The following ENTPD3 variants were observed in gnomAD, a reference collection of about 807,000 sequenced individuals.
ENTPD3 encodes the protein CD39 antigen-like 3.
In ENTPD3, 60 loss-of-function variants were observed where a neutral mutation model predicts 51.2. That is an observed-to-expected ratio of 1.17 (90% CI 0.95 to 1.45). The LOEUF is 1.45. Ranked by LOEUF, ENTPD3 falls within the 40% of genes most tolerant of loss-of-function variation. The pLI is 0.00. For missense variants in ENTPD3, 593 were observed against 641.1 expected, an observed-to-expected ratio of 0.93 and a Z score of 0.81; for synonymous variants, 221 against 238.4, an observed-to-expected ratio of 0.93 and a Z score of 0.67.
intron 3 of ENTPD3, 54 bp from the exon 4 acceptor site, chr3:40,400,840 C>T: frequency 7.3e-7 from 1 of 1,369,198 alleles, no homozygotes. Flanking sequence ...ACTGAGAAAG[C>T]AGTCCTCAGA....
At chr3:40,389,585 T>C (rs1029828703) in intron 2 of ENTPD3, among the ~76,000 whole-genome samples, 2 of 152,240 alleles carry the variant, frequency 1.3e-5, no homozygotes, top group Admixed American at 1.3e-4. Flanking sequence ...ATTGATGCTG[T>C]ACCAGTTTAC....
chr3:40,414,798 T>C lies in ENTPD3; in HGVS notation c.555T>C (p.Tyr185=). The change falls in exon 6 of 11, where the codon TAT becomes TAC. Residue 185 remains tyrosine, a synonymous_variant. Coordinates refer to ENST00000301825, the MANE Select transcript of ENTPD3 (RefSeq NM_001248.4). The part of the protein sequence containing the change: ...QIISGQEEGV[Y]GWITANYLMG... The stretch of plus-strand genomic sequence containing the variant: ...TTTCTGGGCAAGAAGAAGGGGTATA[T>C]GGATGGATTACAGCCAACTATTTAA... 1.2e-6 allele frequency: 2 copies of C among 1,614,048 alleles called. No individual in the cohort carries two copies. Among genetic ancestry groups the C allele is most frequent in the South Asian group, 1.1e-5 (1 of 91,070 alleles).
At chr3:40,414,533 G>T (rs1025710710) in intron 5 of ENTPD3, 148 bp from the exon 6 acceptor site, 1 of 825,512 alleles carries the variant, frequency 1.2e-6, no homozygotes. Context: ...TTGCAAAAGG[G>T]ATTGTGGTGT....
chr3:40,428,632 G>A lies in ENTPD3; in HGVS notation c.*1124G>A, dbSNP rs139508881. The A allele has an allele frequency of 3.4e-4, 51 of 152,234 alleles. No homozygotes were observed. The highest frequency in any genetic ancestry group is 9.6e-4 in the African/African-American group (40 of 41,550). The allele number at this position is 152,234 out of a possible 1,614,324, so 9.4% of individuals were successfully genotyped here. ...TATTTTATTTTGACTTGCAAGGGGT[G>A]TGTGTGTGTTAACTTCCATATGGTA... On this transcript the variant is annotated 3_prime_UTR_variant, in exon 11 of 11. Coordinates refer to ENST00000301825, the MANE Select transcript of ENTPD3 (RefSeq NM_001248.4).
chr3:40,417,377 C>T (rs534084533), intron 7 of ENTPD3, among the ~76,000 whole-genome samples: 1 of 152,098 alleles, frequency 6.6e-6, no homozygotes, highest in Non-Finnish European at 1.5e-5. Flanking sequence ...TAGTAGAAGG[C>T]GAAGCGGAAG....
At chr3:40,416,171 A>G (rs952520929) in intron 7 of ENTPD3, 98 bp downstream of exon 7, 9 of 794,746 alleles carry the variant, frequency 1.1e-5, no homozygotes, top group South Asian at 1.6e-5. Flanking sequence ...CTCCACTTCA[A>G]TTGAAAGGTA....
intron 3 of ENTPD3, among the ~76,000 whole-genome samples, chr3:40,397,236 T>G (rs913507248): frequency 7.3e-5 from 11 of 151,530 alleles, no homozygotes; most frequent in African/African-American, 2.7e-4. Context: ...ACTTTTTGTT[T>G]AAATAAGAAA....
In ENTPD3 at chr3:40,427,737, T is replaced by C; in HGVS notation, c.*229T>C. The C allele has an allele frequency of 3.6e-6, 2 of 555,156 alleles. No individual in the cohort carries two copies. Among genetic ancestry groups the C allele is most frequent in the East Asian group, 6.1e-5 (2 of 32,630 alleles). 34.4% of individuals were successfully genotyped at this position (555,156 alleles called of 1,614,324 possible). ...CCTCACTACCCACATGCTGATCTAT[T>C]GGGGAACAGAGAAGAGACAGGCCAC... On this transcript the variant is annotated 3_prime_UTR_variant, in exon 11 of 11. Coordinates refer to ENST00000301825, the MANE Select transcript of ENTPD3 (RefSeq NM_001248.4).
intron 3 of ENTPD3, among the ~76,000 whole-genome samples, chr3:40,397,115 G>GTTTTTT (rs1437880969): frequency 8.4e-5 from 2 of 23,876 alleles, no homozygotes; most frequent in Admixed American, 6.5e-4. Flanking sequence ...TGGATAATTA[G>GTTTTTT]TTTCTTTTTT....
intron 4 of ENTPD3, among the ~76,000 whole-genome samples, chr3:40,403,365 A>G (rs974857829): frequency 6.6e-6 from 1 of 152,146 alleles, no homozygotes; most frequent in Non-Finnish European, 1.5e-5. Flanking sequence ...GTACTGGACA[A>G]AAAAAGAGAA....
At chr3:40,403,653 ATTT>A (rs112252461) in intron 4 of ENTPD3, among the ~76,000 whole-genome samples, 2 of 139,962 alleles carry the variant, frequency 1.4e-5, no homozygotes, top group African/African-American at 2.7e-5. Flanking sequence ...TTTTCCTTTA[ATTT>A]TTTTTTTTTT....
At chr3:40,389,818 G>A (rs1955014399) in intron 2 of ENTPD3, among the ~76,000 whole-genome samples, 2 of 152,210 alleles carry the variant, frequency 1.3e-5, no homozygotes, top group Non-Finnish European at 2.9e-5. Flanking sequence ...GCATAGACAT[G>A]CCCTGTTATT....
chr3:40,409,506 C>G (rs1017700962), intron 4 of ENTPD3, among the ~76,000 whole-genome samples: 5 of 152,092 alleles, frequency 3.3e-5, no homozygotes, highest in African/African-American at 1.2e-4. Context: ...CTAGCACTGT[C>G]GATGAAATCC....
chr3:40,425,384 C>A (rs1322185105), intron 10 of ENTPD3, among the ~76,000 whole-genome samples: 1 of 151,232 alleles, frequency 6.6e-6, no homozygotes, highest in Admixed American at 6.6e-5. Context: ...CCATTGCACT[C>A]CAGCCTGGGC....
At chr3:40,419,232 A>G (rs1488208491) in intron 7 of ENTPD3, among the ~76,000 whole-genome samples, 1 of 152,196 alleles carries the variant, frequency 6.6e-6, no homozygotes. Context: ...TTTCTGTAGG[A>G]CAGGTTCAAA....
rs945420204 is a variant in ENTPD3 at position 40,422,917 on chromosome 3, T to C, written c.899T>C (p.Met300Thr). 3 of 1,614,048 alleles carry C rather than the reference T, an allele frequency of 1.9e-6. No individual in the cohort carries two copies. Among genetic ancestry groups the C allele is most frequent in the East Asian group, 2.2e-5 (1 of 44,872 alleles). The change falls in exon 8 of 11, where the codon ATG becomes ACG. Residue 300 changes from methionine to threonine, a missense_variant. By Grantham distance (81) the Met-to-Thr change is moderately conservative. Coordinates refer to ENST00000301825, the MANE Select transcript of ENTPD3 (RefSeq NM_001248.4). ...YPRDYSISFTMGHVFDSLCTV... is the reference protein window; with the variant it reads ...YPRDYSISFTTGHVFDSLCTV... Reference sequence around the variant, plus strand: ...CGGGATTATAGCATCAGCTTCACCATGGGCCATGTATTTGATAGCCTGTGC... The same window carrying C: ...CGGGATTATAGCATCAGCTTCACCACGGGCCATGTATTTGATAGCCTGTGC...
In ENTPD3 at chr3:40,427,276, G is replaced by A. The variant is rs1311880343; in HGVS notation, c.1358G>A (p.Gly453Glu). Residue 453 changes from glycine (G) to glutamate (E), a missense_variant, in exon 11 of 11, where the codon GGG becomes GAG. Coordinates refer to ENST00000301825, the MANE Select transcript of ENTPD3 (RefSeq NM_001248.4). ...WPQIHFEKEV[G>E]NSSIAWSLGY... is the part of the protein sequence containing the mutation. ...GCCATCTCCTCTACTCCACAGGTGG[G>A]GAATAGCAGCATAGCCTGGTCTCTT... 1 of 1,613,766 alleles carries A rather than the reference G, an allele frequency of 6.2e-7. No individual in the cohort carries two copies. The highest frequency in any genetic ancestry group is 1.7e-5 in the Admixed American group (1 of 59,998).
chr3:40,424,138 G>A (rs1955938715), intron 10 of ENTPD3, 175 bp downstream of exon 10: 3 of 985,294 alleles, frequency 3.0e-6, no homozygotes, highest in Admixed American at 6.1e-5. Context: ...ATTTAGAAGA[G>A]TTGCTCATGG....
At chr3:40,402,123 C>CTTTTCTTT (rs1553643066) in intron 4 of ENTPD3, among the ~76,000 whole-genome samples, 4 of 95,072 alleles carry the variant, frequency 4.2e-5, no homozygotes, top group East Asian at 7.3e-4. Context: ...TTTTTTTTTT[C>CTTTTCTTT]TTTTTTTTTT....
Sources: gnomAD v4.1 joint callset for allele counts (sites outside exome capture counted in the v4.1 genomes callset) on GRCh38, gnomAD v4.1.1 for gene constraint, MANE v1.5 for transcripts, NCBI Gene and HGNC (gene_info 2026-07-23, HGNC 2026-07-21) for gene names.